WDPCP: variants seen among roughly 807,000 people sequenced by gnomAD.
WDPCP encodes the protein WD repeat containing planar cell polarity effector.
Under a neutral mutation model 93.1 loss-of-function variants are expected in WDPCP, and 71 were observed. That is an observed-to-expected ratio of 0.76 (90% CI 0.63 to 0.93). The LOEUF (loss-of-function observed/expected upper bound fraction) is 0.93. Ranked by LOEUF, WDPCP falls within the 40% of genes least tolerant of loss-of-function variation. The probability of loss-of-function intolerance (pLI) is 0.00; values close to 1 mark genes in which losing one functional copy is unlikely to be tolerated. For missense variants in WDPCP, 844 were observed against 887.4 expected (o/e 0.95, Z 0.62); for synonymous variants, 315 against 315.0 (o/e 1.00, Z 0.00).
At chr2:63,677,616 T>G (rs181855330) in intron 2 of WDPCP, among the ~76,000 whole-genome samples, 1 of 152,280 alleles carries the variant, frequency 6.6e-6, no homozygotes, top group East Asian at 1.9e-4. Context: ...ATAGCTGAAT[T>G]CCTAACAGAA....
intron 3 of WDPCP, among the ~76,000 whole-genome samples, chr2:63,625,828 A>G (rs564739814): frequency 9.4e-4 from 143 of 152,304 alleles, no homozygotes; most frequent in African/African-American, 3.2e-3. Context: ...ACAGAATTAG[A>G]AAAAACTACT....
At chr2:63,621,856 TG>T (rs1204045523) in intron 3 of WDPCP, among the ~76,000 whole-genome samples, 1 of 145,548 alleles carries the variant, frequency 6.9e-6, no homozygotes, top group African/African-American at 2.6e-5. Context: ...CAGAAGAGGC[TG>T]GGGGCCAATA....
chr2:63,806,618 T>C (rs1045404715), intron 2 of WDPCP, among the ~76,000 whole-genome samples: 1 of 152,004 alleles, frequency 6.6e-6, no homozygotes, highest in African/African-American at 2.4e-5. Flanking sequence ...GGGAGACGAG[T>C]CTATCTGACC....
chr2:63,759,784 C>G (rs1670028056), intron 2 of WDPCP, among the ~76,000 whole-genome samples: 1 of 152,236 alleles, frequency 6.6e-6, no homozygotes, highest in South Asian at 2.1e-4. Context: ...CTGCCACAAT[C>G]CACAATGAAC....
intron 17 of WDPCP, among the ~76,000 whole-genome samples, chr2:63,125,457 G>GT (rs1669829552): frequency 6.6e-6 from 1 of 152,114 alleles, no homozygotes; most frequent in South Asian, 2.1e-4. Context: ...TGTTTAGTTT[G>GT]TTTTTCAGTT....
At chr2:63,510,183 A>G (rs1702140215) in intron 1 of WDPCP, among the ~76,000 whole-genome samples, 1 of 152,146 alleles carries the variant, frequency 6.6e-6, no homozygotes, top group Non-Finnish European at 1.5e-5. Context: ...AAATCCTTAT[A>G]CAAATACTGG....
chr2:63,622,132 G>T, intron 3 of WDPCP: 2 of 1,517,234 alleles, frequency 1.3e-6, no homozygotes, highest in Non-Finnish European at 8.9e-7. Flanking sequence ...GGGCAGAGGG[G>T]CTAAGCCTAG....
intron 2 of WDPCP, among the ~76,000 whole-genome samples, chr2:63,746,540 C>A (rs1019360333): frequency 3.3e-5 from 5 of 152,108 alleles, no homozygotes; most frequent in Non-Finnish European, 7.4e-5. Flanking sequence ...TCGCTGAATT[C>A]TTTCCCCAGT....
intron 13 of WDPCP, among the ~76,000 whole-genome samples, chr2:63,281,689 T>C (rs901369889): frequency 8.5e-5 from 13 of 152,200 alleles, no homozygotes; most frequent in Admixed American, 4.6e-4. Context: ...CTGGATGGAA[T>C]TGGAGACTAT....
chr2:63,372,465 T>C (rs1194990964), intron 12 of WDPCP, among the ~76,000 whole-genome samples: 2 of 152,136 alleles, frequency 1.3e-5, no homozygotes, highest in Non-Finnish European at 2.9e-5. Flanking sequence ...TAAATAAAAA[T>C]TACTCCTTGA....
At chr2:63,826,316 C>T (rs1477789301) in intron 1 of WDPCP, among the ~76,000 whole-genome samples, 1 of 151,354 alleles carries the variant, frequency 6.6e-6, no homozygotes, top group Non-Finnish European at 1.5e-5. Flanking sequence ...TGTGAAAAGG[C>T]CACTCTGCCT....
chr2:63,451,863 A>C (rs1698273552), intron 6 of WDPCP, among the ~76,000 whole-genome samples: 1 of 152,228 alleles, frequency 6.6e-6, no homozygotes, highest in South Asian at 2.1e-4. Context: ...ATCTCAATAG[A>C]TGCAGAAAAG....
Position 63,322,261 on chromosome 2 carries a change from A to G in WDPCP, c.1749-8950T>C, listed in dbSNP as rs540218374. 3.3e-5 allele frequency among the ~76,000 whole-genome samples: 5 copies of G among 152,210 alleles called. No homozygotes were observed. The East Asian group carries it at 9.6e-4, about 29-fold the overall frequency. ...CAGCTCTCTGTAAAATGGACCAATCAGCACTCTGTAAAATGGACCAATCAG... is the reference window on the plus strand; with the variant it reads ...CAGCTCTCTGTAAAATGGACCAATCGGCACTCTGTAAAATGGACCAATCAG... On this transcript the variant is annotated intron_variant, in intron 12 of 17. Coordinates refer to ENST00000272321, the MANE Select transcript of WDPCP (RefSeq NM_015910.7).
At chr2:63,454,477 A>C (rs1340115417) in intron 6 of WDPCP, among the ~76,000 whole-genome samples, 1 of 151,988 alleles carries the variant, frequency 6.6e-6, no homozygotes. Flanking sequence ...TGTTGTGCAC[A>C]TGTACCCCAG....
intron 10 of WDPCP, among the ~76,000 whole-genome samples, chr2:63,389,766 C>T (rs1044341295): frequency 6.6e-6 from 1 of 152,092 alleles, no homozygotes; most frequent in African/African-American, 2.4e-5. Flanking sequence ...ATAAAATAGA[C>T]TTTAAACCAA....
intron 6 of WDPCP, among the ~76,000 whole-genome samples, chr2:63,471,949 T>C (rs1699716529): frequency 6.6e-6 from 1 of 152,096 alleles, no homozygotes; most frequent in Admixed American, 6.5e-5. Flanking sequence ...TTTTTTTTAA[T>C]TATTATTATA....
Position 63,165,596 on chromosome 2 carries a change from T to C in WDPCP, c.2078+9074A>G, listed in dbSNP as rs559920589. 4.6e-5 allele frequency among the ~76,000 whole-genome samples: 7 copies of C among 151,882 alleles called. No homozygotes were observed. In the South Asian group the frequency reaches 1.3e-3, roughly 27 times the overall value. The stretch of plus-strand genomic sequence containing the variant: ...GGCCTTTTGCTCTTTTACAGGGTAA[T>C]TTCTTAATAATCTTGTCTATTTCTT... On this transcript the variant is annotated intron_variant, in intron 15 of 17. Coordinates refer to ENST00000272321, the MANE Select transcript of WDPCP (RefSeq NM_015910.7).
At chr2:63,482,952 AT>A (rs1558693574) in intron 6 of WDPCP, among the ~76,000 whole-genome samples, 1 of 151,986 alleles carries the variant, frequency 6.6e-6, no homozygotes, top group African/African-American at 2.4e-5. Flanking sequence ...TTATATATAT[AT>A]TTTATCATGA....
chr2:63,684,142 C>T (rs917859509), intron 2 of WDPCP, among the ~76,000 whole-genome samples: 16 of 152,272 alleles, frequency 1.1e-4, no homozygotes, highest in African/African-American at 3.4e-4. Flanking sequence ...ACTTACAGAA[C>T]ATTTCATCCA....
Sources: gnomAD v4.1 joint callset for allele counts (sites outside exome capture counted in the v4.1 genomes callset) on GRCh38, gnomAD v4.1.1 for gene constraint, MANE v1.5 for transcripts, NCBI Gene and HGNC (gene_info 2026-07-23, HGNC 2026-07-21) for gene names.